NFXL1: variants seen among roughly 807,000 people sequenced by gnomAD.
The protein encoded by NFXL1 is NF-X1-type zinc finger protein NFXL1.
In NFXL1, 66 loss-of-function variants were observed where a neutral mutation model predicts 123.3. That is an observed-to-expected ratio of 0.54 (90% CI 0.44 to 0.66). The LOEUF (loss-of-function observed/expected upper bound fraction) is 0.66, where lower values mean the gene tolerates loss of function less well. NFXL1 is among the 30% of genes least tolerant of loss of function. The pLI, the probability that NFXL1 is intolerant of heterozygous loss-of-function variation, is 0.00. For missense variants in NFXL1, 944 were observed against 1,125.6 expected (o/e 0.84, Z 2.31); for synonymous variants, 346 against 360.8 (o/e 0.96, Z 0.46).
intron 19 of NFXL1, among the ~76,000 whole-genome samples, chr4:47,856,717 T>C (rs961829747): frequency 6.6e-6 from 1 of 151,952 alleles, no homozygotes; most frequent in Non-Finnish European, 1.5e-5. Flanking sequence ...CACTGTGCAC[T>C]TCCACTAATC....
chr4:47,908,912 G>A lies in NFXL1; in HGVS notation c.406+1912C>T, dbSNP rs1439665741. ...GGAGCTTGCAGTGAGCTGAGATTGC[G>A]CCACTGCACTCCAGCCTGGGCGACA... On this transcript the variant is annotated intron_variant, in intron 3 of 22. Coordinates refer to ENST00000507489, the MANE Select transcript of NFXL1 (RefSeq NM_001278624.2). 8.9e-5 allele frequency among the ~76,000 whole-genome samples: 12 copies of A among 134,092 alleles called. No individual in the cohort carries two copies. The South Asian group carries it at 9.6e-4, about 11-fold the overall frequency. The allele number at this position is 134,092 out of a possible 152,430, so 88.0% of individuals were successfully genotyped here. A position where few individuals can be genotyped will look rare whatever the true frequency, so the allele number is the denominator to read the frequency against.
In NFXL1 at chr4:47,894,411, A is replaced by G; in HGVS notation, c.1330-109T>C. 6.2e-6 allele frequency: 4 copies of G among 647,580 alleles called. No homozygotes were observed. In the East Asian group the frequency reaches 1.3e-4, roughly 21 times the overall value. 40.1% of individuals were successfully genotyped at this position (647,580 alleles called of 1,614,324 possible). A position where few individuals can be genotyped will look rare whatever the true frequency, so the allele number is the denominator to read the frequency against. On this transcript the variant is annotated intron_variant, in intron 10 of 22. Transcript: ENST00000507489. ...ATAATGAACAAAAATTTTAACACTA[A>G]ATTTGTATAACAAACTTTACCAAAA...
At chr4:47,898,415 T>A (rs1737216714) in intron 8 of NFXL1, among the ~76,000 whole-genome samples, 1 of 152,042 alleles carries the variant, frequency 6.6e-6, no homozygotes, top group African/African-American at 2.4e-5. Context: ...ACCTATAAAA[T>A]CAATCTTACT....
At chr4:47,910,783 G>C (rs1313163186) in intron 3 of NFXL1, 41 bp downstream of exon 3, 1 of 1,326,186 alleles carries the variant, frequency 7.5e-7, no homozygotes, top group Admixed American at 2.5e-5. Context: ...CAGGAATACA[G>C]TTTCATTGAC....
intron 8 of NFXL1, 80 bp downstream of exon 8, chr4:47,898,677 G>C: frequency 2.2e-6 from 2 of 919,336 alleles, no homozygotes; most frequent in Non-Finnish European, 3.6e-6. Context: ...AACTAAACCT[G>C]ATTAGCCTTG....
At chr4:47,864,768 C>T (rs1262947708) in intron 18 of NFXL1, among the ~76,000 whole-genome samples, 6 of 152,142 alleles carry the variant, frequency 3.9e-5, no homozygotes, top group Non-Finnish European at 5.9e-5. Flanking sequence ...ATCACCATAC[C>T]CCTTCTTTCA....
chr4:47,894,359 C>T, intron 10 of NFXL1, 57 bp from the exon 11 acceptor site: 2 of 1,293,090 alleles, frequency 1.5e-6, no homozygotes, highest in Non-Finnish European at 2.1e-6. Flanking sequence ...TTTTTCCTCA[C>T]ATTGCAACTT....
Position 47,879,135 on chromosome 4 carries a change from A to T in NFXL1, c.1917-18T>A, listed in dbSNP as rs1735931353. ...GACATTCCCTACAAGGAAAAAATAA[A>T]ATAAAATGAAAACATTACAAATTAT... On this transcript the variant is annotated intron_variant, in intron 15 of 22. Coordinates refer to ENST00000507489, the MANE Select transcript of NFXL1 (RefSeq NM_001278624.2). 8.4e-7 allele frequency: 1 copy of T among 1,188,768 alleles called. No homozygotes were observed. The highest frequency in any genetic ancestry group is 1.6e-5 in the African/African-American group (1 of 62,086). 73.6% of individuals were successfully genotyped at this position (1,188,768 alleles called of 1,614,324 possible). A position where few individuals can be genotyped will look rare whatever the true frequency, so the allele number is the denominator to read the frequency against.
At chr4:47,867,082 T>C (rs1024113129) in intron 18 of NFXL1, among the ~76,000 whole-genome samples, 1 of 152,140 alleles carries the variant, frequency 6.6e-6, no homozygotes, top group African/African-American at 2.4e-5. Context: ...TAATAACTCA[T>C]AGCAGTAGGT....
rs1396041369 is a variant in NFXL1, at chr4:47,896,641, G to A, written c.1211C>T (p.Ser404Phe). 6.2e-7 allele frequency: 1 copy of A among 1,605,188 alleles called. No homozygotes were observed. The highest frequency in any genetic ancestry group is 2.2e-5 in the East Asian group (1 of 44,772). Residue 404 changes from serine (S) to phenylalanine (F), a missense_variant, in exon 10 of 23, where the codon TCT becomes TTT. Ser to Phe is a radical substitution (Grantham distance 155). Coordinates refer to ENST00000507489, the MANE Select transcript of NFXL1 (RefSeq NM_001278624.2). ...RFCPCQKSKF[S>F]LPCTEDVPTC... is the part of the protein sequence containing the mutation. ...TGGTACATCTTCTGTACAAGGCAAA[G>A]AAAACTCTAAAAACATACAAAAAGT...
At chr4:47,877,598 T>C (rs1482250523) in intron 17 of NFXL1, among the ~76,000 whole-genome samples, 1 of 152,068 alleles carries the variant, frequency 6.6e-6, no homozygotes, top group Non-Finnish European at 1.5e-5. Flanking sequence ...AATTCTAGCA[T>C]CTTTTTTGTT....
intron 19 of NFXL1, among the ~76,000 whole-genome samples, chr4:47,856,430 C>T (rs1321921845): frequency 6.6e-6 from 1 of 152,096 alleles, no homozygotes; most frequent in Non-Finnish European, 1.5e-5. Flanking sequence ...CATATGCCCA[C>T]CATAAACTGA....
At position 47,895,718 on chromosome 4, in the gene NFXL1, A is replaced by AAGG. The variant is rs559470869; in HGVS notation, c.1329+802_1329+804dup. 3.9e-3 allele frequency among the ~76,000 whole-genome samples: 591 copies of AAGG among 152,300 alleles called. 5 individuals carry two copies. Among genetic ancestry groups the AAGG allele is most frequent in the African/African-American group, 0.013 (548 of 41,558 alleles). On this transcript the variant is annotated intron_variant, in intron 10 of 22. Transcript: ENST00000507489. ...CTAAATCTTCCTCCTTATCATCAAT[A>AAGG]AGGCTGTTTCACTTTCTTAACATTC...
intron 19 of NFXL1, among the ~76,000 whole-genome samples, chr4:47,859,841 C>CAAAAA (rs938207203): frequency 2.7e-3 from 39 of 14,286 alleles, no homozygotes; most frequent in East Asian, 4.1e-3. Context: ...GACTCCATCT[C>CAAAAA]AAAAAAAAAA....
chr4:47,879,404 C>A (rs1287982074), intron 15 of NFXL1, among the ~76,000 whole-genome samples: 1 of 151,974 alleles, frequency 6.6e-6, no homozygotes, highest in African/African-American at 2.4e-5. Flanking sequence ...GGGACAACTA[C>A]AAAATACTGA....
intron 5 of NFXL1, among the ~76,000 whole-genome samples, chr4:47,902,927 G>A (rs1162372092): frequency 6.6e-6 from 1 of 152,146 alleles, no homozygotes; most frequent in East Asian, 1.9e-4. Context: ...ATTTTTTGGG[G>A]TGGGTCACCT....
chr4:47,899,186 A>T, intron 6 of NFXL1, 66 bp from the exon 7 acceptor site: 1 of 1,413,426 alleles, frequency 7.1e-7, no homozygotes, highest in Non-Finnish European at 9.5e-7. Flanking sequence ...TAAAACTTTC[A>T]ATTTCTACAC....
At chr4:47,900,307 A>C (rs954621837) in intron 5 of NFXL1, among the ~76,000 whole-genome samples, 5 of 152,058 alleles carry the variant, frequency 3.3e-5, no homozygotes, top group African/African-American at 1.2e-4. Context: ...CCTCCTAGGT[A>C]CAAGAAATTC....
Position 47,854,720 on chromosome 4 carries a change from G to A in NFXL1, c.2421+339C>T, listed in dbSNP as rs77497728. ...TCTTAAGCAATGAAACATTCTACCC[G>A]TTACATTGTGTTCCTTGTTCAAAGA... On this transcript the variant is annotated intron_variant, in intron 20 of 22. Coordinates refer to ENST00000507489, the MANE Select transcript of NFXL1 (RefSeq NM_001278624.2). 3.6e-3 allele frequency among the ~76,000 whole-genome samples: 543 copies of A among 152,060 alleles called. 3 individuals are homozygous for A. Among genetic ancestry groups the A allele is most frequent in the Non-Finnish European group, 5.9e-3 (400 of 67,946 alleles).
Sources: allele counts gnomAD v4.1 joint callset (sites outside exome capture counted in the v4.1 genomes callset), GRCh38; gene constraint gnomAD v4.1.1; transcripts MANE v1.5; gene names NCBI Gene and HGNC (gene_info 2026-07-23, HGNC 2026-07-21).